Variants in TMBIM4 observed in about 807,000 individuals in gnomAD.
The protein encoded by TMBIM4 is protein lifeguard 4.
Under a neutral mutation model 27.7 loss-of-function variants are expected in TMBIM4, and 28 were observed. That is an observed-to-expected ratio of 1.01 (90% CI 0.75 to 1.38). The LOEUF is 1.38. Ranked by LOEUF, TMBIM4 falls within the 40% of genes most tolerant of loss-of-function variation. TMBIM4 has a pLI of 0.00. For missense variants in TMBIM4, 265 were observed against 277.5 expected (o/e 0.95, Z 0.32); for synonymous variants, 115 against 113.1 (o/e 1.02, Z -0.11).
At chr12:66,148,004 A>G (rs2051780329) in intron 3 of TMBIM4, 63 bp from the exon 4 acceptor site, 1 of 1,470,294 alleles carries the variant, frequency 6.8e-7, no homozygotes, top group Non-Finnish European at 9.4e-7. Context: ...ACATTTTCTA[A>G]TTTCTAGCAG....
chr12:66,153,523 T>C (rs560960184), intron 1 of TMBIM4, 75 bp from the exon 2 acceptor site: 44 of 900,928 alleles, frequency 4.9e-5, no homozygotes, highest in Admixed American at 3.2e-4. Context: ...ATTTCCTCTT[T>C]AAAAAATTGT....
At chr12:66,161,798 T>G (rs762159621) in intron 1 of TMBIM4, among the ~76,000 whole-genome samples, 1 of 152,102 alleles carries the variant, frequency 6.6e-6, no homozygotes, top group Non-Finnish European at 1.5e-5. Flanking sequence ...CTTAAAACAG[T>G]CTATAGGCCA....
chr12:66,150,476 G>A (rs10400539), intron 3 of TMBIM4, among the ~76,000 whole-genome samples: 47,695 of 150,396 alleles, frequency 0.32, 7,866 homozygotes, highest in South Asian at 0.41. Context: ...GGGCAGTGGC[G>A]CAATCTCAGC....
rs758814809 is a variant in TMBIM4, at chr12:66,138,761, GCAAA to G, written c.469_472del (p.Phe157LeufsTer12). 4 of 1,540,682 alleles carry G rather than the reference GCAAA, an allele frequency of 2.6e-6. No homozygotes were observed. The African/African-American group carries it at 5.7e-5, about 22-fold the overall frequency. On this transcript the variant is annotated frameshift_variant, in exon 6 of 7. Coordinates refer to ENST00000358230, the MANE Select transcript of TMBIM4 (RefSeq NM_016056.4). LOFTEE classifies it high-confidence loss of function. ...TGACAGGCACAATATCCACAAAAGA[GCAAA>G]CAGCCTATAAAAATACAATTTTAGT...
At chr12:66,166,487 AAAAG>A (rs1042292502) in intron 1 of TMBIM4, among the ~76,000 whole-genome samples, 4 of 151,138 alleles carry the variant, frequency 2.6e-5, no homozygotes, top group Admixed American at 2.6e-4. Flanking sequence ...AAAAAAAAGA[AAAAG>A]AAAAAGAAAA....
chr12:66,169,027 A>G (rs2052184201), intron 1 of TMBIM4: 1 of 304,952 alleles, frequency 3.3e-6, no homozygotes, highest in African/African-American at 2.2e-5. Flanking sequence ...TTCTTGGTGC[A>G]TCAGAACTAT....
intron 6 of TMBIM4, 89 bp from the exon 7 acceptor site, chr12:66,138,255 A>G: frequency 1.3e-6 from 2 of 1,496,956 alleles, no homozygotes; most frequent in Non-Finnish European, 1.8e-6. Flanking sequence ...TTACTGCTAC[A>G]TTATACATTT....
intron 5 of TMBIM4, 36 bp downstream of exon 5, chr12:66,145,805 A>T (rs746920325): frequency 1.8e-5 from 21 of 1,183,924 alleles, no homozygotes; most frequent in Non-Finnish European, 2.3e-5. Flanking sequence ...AATTAAAGAC[A>T]TCTATCTATT....
intron 5 of TMBIM4, among the ~76,000 whole-genome samples, chr12:66,140,678 T>C (rs557567891): frequency 2.2e-4 from 34 of 152,266 alleles, no homozygotes; most frequent in Admixed American, 1.1e-3. Context: ...GAGGGATCAC[T>C]TGAACCCAGG....
intron 1 of TMBIM4, among the ~76,000 whole-genome samples, chr12:66,158,615 C>T (rs2051986007): frequency 6.7e-6 from 1 of 149,700 alleles, no homozygotes; most frequent in Admixed American, 6.7e-5. Flanking sequence ...CACTGCACTG[C>T]AGCCTGGTGA....
At position 66,169,931 on chromosome 12, in the gene TMBIM4, C is replaced by T; in HGVS notation, c.21G>A (p.Arg7=). Reference sequence around the variant, plus strand: ...CGTCCTCGATCGAGGAGCGAGGGTACCGGGGGTCGGGGTCAGCCATGATGG... The same window carrying T: ...CGTCCTCGATCGAGGAGCGAGGGTATCGGGGGTCGGGGTCAGCCATGATGG... MADPDP[R]YPRSSIEDDF... is the part of the protein sequence containing the mutation. Residue 7 remains arginine, a synonymous_variant, in exon 1 of 7, where the codon CGG becomes CGA. Transcript: ENST00000358230. 1 of 1,495,194 alleles carries T rather than the reference C, an allele frequency of 6.7e-7. No homozygotes were observed. Among genetic ancestry groups the T allele is most frequent in the Non-Finnish European group, 8.9e-7 (1 of 1,124,250 alleles). The allele number at this position is 1,495,194 out of a possible 1,614,324, so 92.6% of individuals were successfully genotyped here. A position where few individuals can be genotyped will look rare whatever the true frequency, so the allele number is the denominator to read the frequency against.
At chr12:66,153,549 T>C in intron 1 of TMBIM4, 101 bp from the exon 2 acceptor site, 1 of 549,174 alleles carries the variant, frequency 1.8e-6, no homozygotes, top group Non-Finnish European at 3.1e-6. Flanking sequence ...ACACGTATTC[T>C]TTCCTAATTT....
At chr12:66,153,684 G>A (rs556392904) in intron 1 of TMBIM4, among the ~76,000 whole-genome samples, 17 of 151,918 alleles carry the variant, frequency 1.1e-4, no homozygotes, top group African/African-American at 3.4e-4. Flanking sequence ...AAAATTAGTG[G>A]GCCAAAATGT....
chr12:66,158,644 C>CAA (rs71434101), intron 1 of TMBIM4, among the ~76,000 whole-genome samples: 9,866 of 109,250 alleles, frequency 0.09, 713 homozygotes, highest in East Asian at 0.47. Context: ...GACTCTGTCT[C>CAA]AAAAAAAAAA....
chr12:66,138,746 A>G lies in TMBIM4; in HGVS notation c.488T>C (p.Leu163Ser). ...GAGLFALLWI[L>S]CLSGFLKFFF... The stretch of plus-strand genomic sequence containing the variant: ...TACCTTCAAGAATCCTGACAGGCAC[A>G]ATATCCACAAAAGAGCAAACAGCCT... The change falls in exon 6 of 7, where the codon TTG (leucine) becomes TCG (serine). Residue 163 changes from leucine to serine, a missense_variant. Transcript: ENST00000358230. The G allele has an allele frequency of 6.5e-7, 1 of 1,549,844 alleles. No individual in the cohort carries two copies. The highest frequency in any genetic ancestry group is 1.4e-5 in the African/African-American group (1 of 70,664).
Position 66,136,277 on chromosome 12 carries a change from T to G in TMBIM4, c.*1683A>C, listed in dbSNP as rs1449628865. 6.6e-6 allele frequency: 1 copy of G among 152,236 alleles called. No individual in the cohort carries two copies. The highest frequency in any genetic ancestry group is 1.5e-5 in the Non-Finnish European group (1 of 68,076). 9.4% of individuals were successfully genotyped at this position (152,236 alleles called of 1,614,324 possible). A position where few individuals can be genotyped will look rare whatever the true frequency, so the allele number is the denominator to read the frequency against. On this transcript the variant is annotated 3_prime_UTR_variant, in exon 7 of 7. Transcript: ENST00000358230. ...GCCAAATGTCACTTAAGCACCTGGT[T>G]GGACTGCAATGATTCTAATCTAGAT...
intron 1 of TMBIM4, among the ~76,000 whole-genome samples, chr12:66,153,950 T>C (rs967067243): frequency 6.6e-6 from 1 of 152,198 alleles, no homozygotes; most frequent in Admixed American, 6.5e-5. Context: ...TCTATTATTA[T>C]TTCTCATTTA....
At chr12:66,142,066 AAAAT>A (rs951432987) in intron 5 of TMBIM4, among the ~76,000 whole-genome samples, 5 of 152,158 alleles carry the variant, frequency 3.3e-5, no homozygotes, top group African/African-American at 7.2e-5. Flanking sequence ...ATACCATTAA[AAAAT>A]AAATAAATAA....
rs147812781 is a variant in TMBIM4 at position 66,161,588 on chromosome 12, C to T, written c.98-8140G>A. 1.1e-3 allele frequency among the ~76,000 whole-genome samples: 163 copies of T among 152,162 alleles called. 5 individuals are homozygous for T. The East Asian group carries it at 0.026, about 25-fold the overall frequency. ...TTTAACCTTTTAAGTAGTAACGCAC[C>T]GAAGACAAATGAGAACCGCTTATTT... On this transcript the variant is annotated intron_variant, in intron 1 of 6. Transcript: ENST00000358230.
Sources: allele counts gnomAD v4.1 joint callset (sites outside exome capture counted in the v4.1 genomes callset), GRCh38; gene constraint gnomAD v4.1.1; transcripts MANE v1.5; gene names NCBI Gene and HGNC (gene_info 2026-07-23, HGNC 2026-07-21).